Variants in NTRK2 observed in about 807,000 individuals in gnomAD.
NTRK2 encodes the protein BDNF/NT-3 growth factors receptor.
Under a neutral mutation model 94.5 loss-of-function variants are expected in NTRK2, and 13 were observed. That is an observed-to-expected ratio of 0.14 (90% CI 0.09 to 0.22). NTRK2 has a LOEUF of 0.22. NTRK2 is among the 10% of genes least tolerant of loss of function. The probability of loss-of-function intolerance (pLI) is 1.00; values close to 1 mark genes in which losing one functional copy is unlikely to be tolerated. For synonymous variants in NTRK2, 372 were observed against 407.4 expected (o/e 0.91, Z 1.05); for missense variants, 639 against 1,071.2 (o/e 0.60, Z 5.63).
At chr9:84,809,448 A>T (rs1391723321) in intron 12 of NTRK2, among the ~76,000 whole-genome samples, 1 of 148,842 alleles carries the variant, frequency 6.7e-6, no homozygotes, top group East Asian at 1.9e-4. Context: ...TGTCTTATAG[A>T]TATAATATAT....
At chr9:84,726,889 T>C (rs2062500753) in intron 8 of NTRK2, among the ~76,000 whole-genome samples, 2 of 152,226 alleles carry the variant, frequency 1.3e-5, no homozygotes, top group South Asian at 4.1e-4. Context: ...GTTTAAAAAT[T>C]CTACTTGATA....
chr9:84,802,078 C>G lies in NTRK2; in HGVS notation c.1396+49993C>G, dbSNP rs535313679. Among the ~76,000 whole-genome samples the G allele has an allele frequency of 2.6e-5, 4 of 152,254 alleles. No homozygotes were observed. The South Asian group carries it at 8.3e-4, about 32-fold the overall frequency. ...TTTCCTTTTAATCACTTTGACTTAGCCAACAACTTCCTGTAAGTTTTGGAA... is the reference window on the plus strand; with the variant it reads ...TTTCCTTTTAATCACTTTGACTTAGGCAACAACTTCCTGTAAGTTTTGGAA... On this transcript the variant is annotated intron_variant, in intron 12 of 18. Coordinates refer to ENST00000277120, the MANE Select transcript of NTRK2 (RefSeq NM_006180.6).
intron 12 of NTRK2, among the ~76,000 whole-genome samples, chr9:84,755,525 C>CTTTTTTTTTTTT (rs745611460): frequency 1.5e-4 from 9 of 60,656 alleles, no homozygotes; most frequent in African/African-American, 5.6e-4. Context: ...AGTCCCACCT[C>CTTTTTTTTTTTT]TTTTTTTTTT....
At chr9:84,776,063 A>G (rs1390523830) in intron 12 of NTRK2, among the ~76,000 whole-genome samples, 1 of 152,052 alleles carries the variant, frequency 6.6e-6, no homozygotes. Context: ...TTTCTACATT[A>G]TTACCTAAGA....
chr9:84,966,718 A>T (rs927289438), intron 17 of NTRK2, among the ~76,000 whole-genome samples: 2 of 152,202 alleles, frequency 1.3e-5, no homozygotes, highest in African/African-American at 2.4e-5. Context: ...GGTGTAAGCC[A>T]CTGCGCCCAG....
chr9:84,948,729 C>G lies in NTRK2; in HGVS notation c.1937+95C>G, dbSNP rs2078680464. 2.7e-6 allele frequency: 3 copies of G among 1,103,826 alleles called. No homozygotes were observed. The Admixed American group carries it at 6.6e-5, about 24-fold the overall frequency. 68.4% of individuals were successfully genotyped at this position (1,103,826 alleles called of 1,614,324 possible). On this transcript the variant is annotated intron_variant, in intron 16 of 18. Transcript: ENST00000277120. The stretch of plus-strand genomic sequence containing the variant: ...GGGAGGGAACAAGGGACCCCTGGAC[C>G]TTTCTCGAAGCATCTTATTTGATAA...
At chr9:84,768,998 T>C (rs1023590764) in intron 12 of NTRK2, among the ~76,000 whole-genome samples, 5 of 152,080 alleles carry the variant, frequency 3.3e-5, no homozygotes, top group Non-Finnish European at 5.9e-5. Context: ...ACCAACTTAA[T>C]AGGATTCTTA....
rs1036016268 is a variant in NTRK2 at position 85,022,611 on chromosome 9, A to G, written c.*1174A>G. ...ACTTCCATGCCCACCCGTCCTTTTA[A>G]CTGTGCAAGCAAAATTGTGCATGGT... is the stretch of plus-strand genomic sequence containing the variant. On this transcript the variant is annotated 3_prime_UTR_variant, in exon 19 of 19. Coordinates refer to ENST00000277120, the MANE Select transcript of NTRK2 (RefSeq NM_006180.6). 4 of 233,138 alleles carry G rather than the reference A, an allele frequency of 1.7e-5. No individual in the cohort carries two copies. Among genetic ancestry groups the G allele is most frequent in the African/African-American group, 8.8e-5 (4 of 45,336 alleles). 14.4% of individuals were successfully genotyped at this position (233,138 alleles called of 1,614,324 possible).
intron 12 of NTRK2, among the ~76,000 whole-genome samples, chr9:84,795,241 G>A (rs1234038114): frequency 1.3e-5 from 2 of 152,144 alleles, no homozygotes; most frequent in South Asian, 2.1e-4. Context: ...CTGCTGCCAG[G>A]TCTTTGCTGT....
intron 9 of NTRK2, among the ~76,000 whole-genome samples, chr9:84,735,430 A>G (rs1006504112): frequency 1.1e-4 from 16 of 152,222 alleles, no homozygotes; most frequent in African/African-American, 3.4e-4. Flanking sequence ...TCCATGGATC[A>G]TACTTTGCTT....
At chr9:84,948,958 G>A (rs2078688652) in intron 16 of NTRK2, among the ~76,000 whole-genome samples, 1 of 152,182 alleles carries the variant, frequency 6.6e-6, no homozygotes, top group South Asian at 2.1e-4. Flanking sequence ...TTGCTATGTG[G>A]TGTTATTAAA....
At chr9:84,702,520 T>A in intron 4 of NTRK2, 101 bp downstream of exon 4, 1 of 990,320 alleles carries the variant, frequency 1.0e-6, no homozygotes, top group Non-Finnish European at 1.6e-6. Flanking sequence ...CCTCCCTTTT[T>A]AAAGTTAGTA....
chr9:84,811,321 G>A lies in NTRK2; in HGVS notation c.1397-49719G>A. 3 of 1,064,838 alleles carry A rather than the reference G, an allele frequency of 2.8e-6. No homozygotes were observed. In the South Asian group the frequency reaches 1.4e-4, roughly 49 times the overall value. The allele number at this position is 1,064,838 out of a possible 1,614,324, so 66.0% of individuals were successfully genotyped here. ...CAAACAAATGAAAAACGTTTAAAAAGAAGAAGAAGAAAAAAAACAAGAACA... is the reference window on the plus strand; with the variant it reads ...CAAACAAATGAAAAACGTTTAAAAAAAAGAAGAAGAAAAAAAACAAGAACA... On this transcript the variant is annotated intron_variant, in intron 12 of 18. Transcript: ENST00000277120.
Position 84,789,221 on chromosome 9 carries a change from C to A in NTRK2, c.1396+37136C>A. ...ACAGGGACACACAGAGAGGCTACTG[C>A]CTGTCCTCAGGTATGGCTGGAAGAG... On this transcript the variant is annotated intron_variant, in intron 12 of 18. Transcript: ENST00000277120. 1.3e-5 allele frequency among the ~76,000 whole-genome samples: 2 copies of A among 152,158 alleles called. 1 individual carries two copies. Among genetic ancestry groups the A allele is most frequent in the Non-Finnish European group, 2.9e-5 (2 of 68,024 alleles).
rs1300240117 is a variant in NTRK2 at position 85,021,464 on chromosome 9, C to T, written c.*27C>T. 6.2e-7 allele frequency: 1 copy of T among 1,609,340 alleles called. No individual in the cohort carries two copies. The highest frequency in any genetic ancestry group is 1.7e-5 in the Admixed American group (1 of 60,004). ...GCCCTTTTCCCCAGACCGATCCTTC[C>T]CAACGTACTCCTCAGACGGGCTGAG... On this transcript the variant is annotated 3_prime_UTR_variant, in exon 19 of 19. Transcript: ENST00000277120.
chr9:84,870,313 T>A (rs2075797694), intron 14 of NTRK2, among the ~76,000 whole-genome samples: 2 of 71,608 alleles, frequency 2.8e-5, no homozygotes, highest in African/African-American at 9.7e-5. Flanking sequence ...CATATACATA[T>A]ATGTGGGGTG....
intron 2 of NTRK2, among the ~76,000 whole-genome samples, chr9:84,694,552 T>A (rs892853696): frequency 6.6e-6 from 1 of 152,224 alleles, no homozygotes; most frequent in Non-Finnish European, 1.5e-5. Context: ...CCGTATCACC[T>A]GCACCTGCTC....
At chr9:84,863,202 G>T (rs1053230079) in intron 13 of NTRK2, among the ~76,000 whole-genome samples, 17 of 152,122 alleles carry the variant, frequency 1.1e-4, no homozygotes, top group African/African-American at 4.1e-4. Context: ...ATTGAGAGAA[G>T]AAAACTCCCC....
At chr9:84,886,380 G>A (rs1430823922) in intron 14 of NTRK2, among the ~76,000 whole-genome samples, 2 of 152,176 alleles carry the variant, frequency 1.3e-5, no homozygotes, top group Non-Finnish European at 2.9e-5. Context: ...TGGTCACCTC[G>A]CCTCCTTAAT....
Sources: gnomAD v4.1 joint callset for allele counts (sites outside exome capture counted in the v4.1 genomes callset) on GRCh38, gnomAD v4.1.1 for gene constraint, MANE v1.5 for transcripts, NCBI Gene and HGNC (gene_info 2026-07-23, HGNC 2026-07-21) for gene names.